Variants in EPS15L1 observed in about 807,000 individuals in gnomAD.
EPS15L1 encodes epidermal growth factor receptor substrate 15-like 1.
In EPS15L1, 43 loss-of-function variants were observed where a neutral mutation model predicts 117.1. The ratio of observed to expected loss-of-function variants is 0.37; its 90% confidence interval spans 0.29 to 0.47. The LOEUF (loss-of-function observed/expected upper bound fraction) is 0.47. Ranked by LOEUF, EPS15L1 falls within the 20% of genes least tolerant of loss-of-function variation. EPS15L1 has a pLI of 0.99. For synonymous variants in EPS15L1, 459 were observed against 470.5 expected (o/e 0.98, Z 0.32); for missense variants, 981 against 1,164.0 (o/e 0.84, Z 2.29).
intron 1 of EPS15L1, among the ~76,000 whole-genome samples, chr19:16,449,876 T>C (rs768399854): frequency 1.3e-5 from 2 of 152,228 alleles, no homozygotes; most frequent in African/African-American, 4.8e-5. Flanking sequence ...CAGAGAATTA[T>C]GCTGAATGAC....
rs747369495 is a variant in EPS15L1, at chr19:16,361,809, G to A, written c.2556C>T (p.Ala852=). The part of the protein sequence containing the change: ...VPSSAAKPSK[A]SASGFADFTS... Reference sequence around the variant, plus strand: ...TGAAGTCTGCAAAGCCCGAGGCAGAGGCCTTAGAAGGTTTAGCTGCAGAGG... The same window carrying A: ...TGAAGTCTGCAAAGCCCGAGGCAGAAGCCTTAGAAGGTTTAGCTGCAGAGG... Residue 852 remains alanine (A), a synonymous_variant, in exon 23 of 24, where the codon GCC becomes GCT. Transcript: ENST00000455140. The A allele has an allele frequency of 1.2e-6, 2 of 1,613,936 alleles. No homozygotes were observed. Among genetic ancestry groups the A allele is most frequent in the Admixed American group, 1.7e-5 (1 of 59,980 alleles).
chr19:16,421,242 C>G, intron 10 of EPS15L1, 77 bp downstream of exon 10: 1 of 1,489,094 alleles, frequency 6.7e-7, no homozygotes, highest in Non-Finnish European at 9.1e-7. Context: ...GGCCCCCTGA[C>G]CACCACCCTC....
intron 18 of EPS15L1, among the ~76,000 whole-genome samples, chr19:16,393,648 CA>C (rs919891560): frequency 0.025 from 2,014 of 81,396 alleles, 22 homozygotes; most frequent in African/African-American, 0.061. Context: ...GACTCCGTCT[CA>C]AAAAAAAAAA....
intron 3 of EPS15L1, 28 bp from the exon 4 acceptor site, chr19:16,440,937 C>T: frequency 1.9e-6 from 3 of 1,612,724 alleles, no homozygotes; most frequent in Non-Finnish European, 2.5e-6. Flanking sequence ...TGCTCATAAG[C>T]ATGACTGCCG....
chr19:16,453,294 G>A (rs542299421), intron 1 of EPS15L1, among the ~76,000 whole-genome samples: 10 of 152,082 alleles, frequency 6.6e-5, no homozygotes, highest in East Asian at 1.9e-4. Context: ...TTGTAGAGAC[G>A]GGGTCTTGCT....
intron 13 of EPS15L1, chr19:16,413,380 G>A (rs1157985276): frequency 1.4e-6 from 1 of 694,512 alleles, no homozygotes; most frequent in Non-Finnish European, 2.6e-6. Flanking sequence ...GCCAGGGGCT[G>A]CACTGCCATC....
chr19:16,416,917 C>T (rs2092763631), intron 12 of EPS15L1, among the ~76,000 whole-genome samples: 1 of 152,202 alleles, frequency 6.6e-6, no homozygotes, highest in African/African-American at 2.4e-5. Flanking sequence ...CCAAAGCCCT[C>T]GTTTACACAT....
chr19:16,399,209 A>G (rs901734034), intron 16 of EPS15L1, among the ~76,000 whole-genome samples: 3 of 152,150 alleles, frequency 2.0e-5, no homozygotes. Context: ...AGGATTCAGG[A>G]GGTCAGGGTA....
chr19:16,465,057 CA>C (rs78921522), intron 1 of EPS15L1, among the ~76,000 whole-genome samples: 1 of 148,430 alleles, frequency 6.7e-6, no homozygotes, highest in East Asian at 2.0e-4. Context: ...CCAGCCTGGG[CA>C]ACAGAGCGAG....
chr19:16,392,093 G>T (rs1037931122), intron 19 of EPS15L1, among the ~76,000 whole-genome samples: 1 of 152,192 alleles, frequency 6.6e-6, no homozygotes, highest in Non-Finnish European at 1.5e-5. Flanking sequence ...GGGGCTCACA[G>T]GATGTCACTG....
At chr19:16,389,996 T>TA (rs1282637631) in intron 19 of EPS15L1, among the ~76,000 whole-genome samples, 1 of 151,374 alleles carries the variant, frequency 6.6e-6, no homozygotes, top group African/African-American at 2.4e-5. Context: ...AGCAAGCAAA[T>TA]AATAAAATAG....
chr19:16,403,356 G>C (rs1340989263), intron 15 of EPS15L1, among the ~76,000 whole-genome samples: 1 of 152,226 alleles, frequency 6.6e-6, no homozygotes, highest in African/African-American at 2.4e-5. Context: ...GATGACGTCT[G>C]TTCTCTTGCC....
In EPS15L1 at chr19:16,355,335, G is replaced by A. The variant is rs991001290; in HGVS notation, c.*370C>T. 4.5e-5 allele frequency: 11 copies of A among 246,356 alleles called. No individual in the cohort carries two copies. Among genetic ancestry groups the A allele is most frequent in the African/African-American group, 8.8e-5 (4 of 45,378 alleles). The allele number at this position is 246,356 out of a possible 1,614,324, so 15.3% of individuals were successfully genotyped here. A position where few individuals can be genotyped will look rare whatever the true frequency, so the allele number is the denominator to read the frequency against. On this transcript the variant is annotated 3_prime_UTR_variant, in exon 24 of 24. Transcript: ENST00000455140. ...CACTGGGGGAGTGTCTGACTGATGC[G>A]TGGGAGGGCGGGTGGGGATGTCTGC...
At position 16,434,935 on chromosome 19, in the gene EPS15L1, C is replaced by CT. The variant is rs111593959; in HGVS notation, c.373-446dup. 1,142 of 139,188 alleles carry CT rather than the reference C, an allele frequency of 8.2e-3. 10 individuals carry two copies. The highest frequency in any genetic ancestry group is 0.016 in the East Asian group (74 of 4,756). 8.6% of individuals were successfully genotyped at this position (139,188 alleles called of 1,614,324 possible). A position where few individuals can be genotyped will look rare whatever the true frequency, so the allele number is the denominator to read the frequency against. On this transcript the variant is annotated intron_variant, in intron 6 of 23. Coordinates refer to ENST00000455140, the MANE Select transcript of EPS15L1 (RefSeq NM_001258374.3). ...ATCAACTTAAAGTACAGGAAGTCCT[C>CT]TTTTTTTTTTTTTTTTTCTTTTTTT... is the stretch of plus-strand genomic sequence containing the variant.
At chr19:16,434,655 G>C (rs2092961594) in intron 6 of EPS15L1, 165 bp from the exon 7 acceptor site, 2 of 700,234 alleles carry the variant, frequency 2.9e-6, no homozygotes, top group South Asian at 3.7e-5. Context: ...GGTTTCCAAA[G>C]TGAACATATA....
chr19:16,368,133 G>T (rs1023481216), intron 22 of EPS15L1, among the ~76,000 whole-genome samples: 1 of 152,178 alleles, frequency 6.6e-6, no homozygotes, highest in Non-Finnish European at 1.5e-5. Context: ...AGGGTTTGTG[G>T]TCAGGGAAGC....
chr19:16,471,936 G>GCGC lies in EPS15L1; in HGVS notation c.7_9dup (p.Ala3dup). 7.7e-7 allele frequency: 1 copy of GCGC among 1,291,254 alleles called. No homozygotes were observed. The highest frequency in any genetic ancestry group is 9.8e-7 in the Non-Finnish European group (1 of 1,020,716). The allele number at this position is 1,291,254 out of a possible 1,614,324, so 80.0% of individuals were successfully genotyped here. On this transcript the variant is annotated inframe_insertion, in exon 1 of 24. Transcript: ENST00000455140. This position sits in a 1 kb window ranked among gnomAD's most constrained non-coding sequence, Gnocchi z 4.8. Reference sequence around the variant, plus strand: ...ACCTGCTGGGAGAGGGGGATGAGCGGCGCCGCCATCTTCCCGCGGACTCGG... The same window carrying GCGC: ...ACCTGCTGGGAGAGGGGGATGAGCGGCGCCGCCGCCATCTTCCCGCGGACTCGG...
At chr19:16,389,886 T>G (rs1014706253) in intron 19 of EPS15L1, among the ~76,000 whole-genome samples, 2 of 151,706 alleles carry the variant, frequency 1.3e-5, no homozygotes, top group African/African-American at 4.9e-5. Context: ...AAACAATCAT[T>G]AAAAGAGGTA....
Position 16,412,721 on chromosome 19 carries a change from G to T in EPS15L1, c.1266+1052C>A, listed in dbSNP as rs1005564790. 4.8e-5 allele frequency: 8 copies of T among 166,262 alleles called. 1 individual carries two copies. Among genetic ancestry groups the T allele is most frequent in the Non-Finnish European group, 8.3e-5 (7 of 84,810 alleles). 10.3% of individuals were successfully genotyped at this position (166,262 alleles called of 1,614,324 possible). A position where few individuals can be genotyped will look rare whatever the true frequency, so the allele number is the denominator to read the frequency against. On this transcript the variant is annotated intron_variant, in intron 13 of 23. Transcript: ENST00000455140. ...ACCGGTGCAGCGGGGGGTGGGGGGG[G>T]GGGGGGTGTCAGAGGCCCTGGGATG...
Sources: allele counts gnomAD v4.1 joint callset (sites outside exome capture counted in the v4.1 genomes callset), GRCh38; gene constraint gnomAD v4.1.1; non-coding constraint Gnocchi (gnomAD v3.1); transcripts MANE v1.5; gene names NCBI Gene and HGNC (gene_info 2026-07-23, HGNC 2026-07-21).